TEC: variants seen among roughly 807,000 people sequenced by gnomAD.
TEC encodes the protein tyrosine-protein kinase Tec.
TEC carries 72 observed loss-of-function variants against 93.0 expected under a neutral mutation model. That is an observed-to-expected ratio of 0.77 (90% confidence interval 0.64 to 0.94). The LOEUF (loss-of-function observed/expected upper bound fraction) is 0.94, where lower values mean the gene tolerates loss of function less well. TEC is among the 40% of genes least tolerant of loss of function. The probability of loss-of-function intolerance (pLI) is 0.00; values close to 1 mark genes in which losing one functional copy is unlikely to be tolerated. For synonymous variants in TEC, 249 were observed against 247.7 expected (o/e 1.01, Z -0.05); for missense variants, 630 against 757.9 (o/e 0.83, Z 1.98).
intron 2 of TEC, among the ~76,000 whole-genome samples, chr4:48,209,795 A>G (rs1722836046): frequency 6.6e-6 from 1 of 152,252 alleles, no homozygotes; most frequent in South Asian, 2.1e-4. Context: ...AAATAAAATT[A>G]ACAGATTAAA....
intron 2 of TEC, among the ~76,000 whole-genome samples, chr4:48,195,750 A>G (rs2352593): frequency 0.25 from 38,782 of 152,186 alleles, 5,603 homozygotes; most frequent in Admixed American, 0.33. Flanking sequence ...TATCACAGCT[A>G]GGAGCCATAA....
chr4:48,233,927 A>T (rs2109647003), intron 1 of TEC, among the ~76,000 whole-genome samples: 1 of 152,300 alleles, frequency 6.6e-6, no homozygotes, highest in East Asian at 1.9e-4. Flanking sequence ...AAGAAAACAG[A>T]ATGAGAAAAC....
chr4:48,236,576 C>T (rs1243689477), intron 1 of TEC, among the ~76,000 whole-genome samples: 5 of 152,202 alleles, frequency 3.3e-5, no homozygotes, highest in East Asian at 1.9e-4. Flanking sequence ...GCCACCGCGC[C>T]GGGCCACAAA....
intron 2 of TEC, among the ~76,000 whole-genome samples, chr4:48,193,336 T>C (rs1225524139): frequency 6.6e-6 from 1 of 152,058 alleles, no homozygotes; most frequent in Non-Finnish European, 1.5e-5. Flanking sequence ...TTCTATCTTT[T>C]TTCTTTCTTC....
intron 8 of TEC, among the ~76,000 whole-genome samples, chr4:48,158,856 G>A (rs753322482): frequency 6.6e-6 from 1 of 152,142 alleles, no homozygotes; most frequent in African/African-American, 2.4e-5. Flanking sequence ...TGTTCTGAGG[G>A]ATCATTTTTA....
chr4:48,165,348 T>C (rs1720835691), intron 7 of TEC, among the ~76,000 whole-genome samples: 1 of 152,252 alleles, frequency 6.6e-6, no homozygotes. Context: ...TCATCTTTCC[T>C]TTCCTTCATG....
chr4:48,233,330 C>T (rs926402018), intron 1 of TEC, among the ~76,000 whole-genome samples: 1 of 149,004 alleles, frequency 6.7e-6, no homozygotes, highest in Non-Finnish European at 1.5e-5. Flanking sequence ...CATGAAGCTT[C>T]CAATTGACAC....
At chr4:48,258,828 G>A (rs1188684605) in intron 1 of TEC, among the ~76,000 whole-genome samples, 4 of 152,082 alleles carry the variant, frequency 2.6e-5, no homozygotes, top group Non-Finnish European at 4.4e-5. Flanking sequence ...TGTCTGACAT[G>A]GTTACCCTCT....
rs1484539226 is a variant in TEC at position 48,145,459 on chromosome 4, C to T, written c.1202G>A (p.Arg401Gln). 9.3e-6 allele frequency: 15 copies of T among 1,614,018 alleles called. No homozygotes were observed. Among genetic ancestry groups the T allele is most frequent in the Middle Eastern group, 1.6e-4 (1 of 6,084 alleles). ...AQYKVAIKAI[R>Q]EGAMCEEDFI... ...GTCCTCCTCGCACATTGCACCTTCC[C>T]GAATAGCTTTGATTGCGACTTTGTA... Residue 401 changes from arginine (R) to glutamine (Q), a missense_variant, in exon 13 of 18, where the codon CGG becomes CAG. By Grantham distance (43) the Arg-to-Gln change is conservative (BLOSUM62 1). Transcript: ENST00000381501.
At chr4:48,211,326 G>A (rs955449384) in intron 2 of TEC, among the ~76,000 whole-genome samples, 6 of 152,118 alleles carry the variant, frequency 3.9e-5, no homozygotes, top group African/African-American at 1.4e-4. Flanking sequence ...TTTTGGTCTT[G>A]TTTCCTGCAG....
At chr4:48,219,151 C>T (rs1202814086) in intron 2 of TEC, among the ~76,000 whole-genome samples, 1 of 152,078 alleles carries the variant, frequency 6.6e-6, no homozygotes, top group Admixed American at 6.5e-5. Context: ...CTAATATAAC[C>T]TAGGAATAAC....
At chr4:48,240,987 A>T (rs979065869) in intron 1 of TEC, among the ~76,000 whole-genome samples, 4 of 152,166 alleles carry the variant, frequency 2.6e-5, no homozygotes, top group African/African-American at 9.7e-5. Flanking sequence ...CACTAATTTG[A>T]TAGAAAACAT....
chr4:48,200,911 C>G (rs1722483221), intron 2 of TEC, among the ~76,000 whole-genome samples: 2 of 152,206 alleles, frequency 1.3e-5, no homozygotes, highest in African/African-American at 4.8e-5. Flanking sequence ...CTAGACAGCC[C>G]ACTTCCAGTT....
chr4:48,162,561 A>T (rs1450688738), intron 8 of TEC, among the ~76,000 whole-genome samples: 1 of 152,208 alleles, frequency 6.6e-6, no homozygotes, highest in Non-Finnish European at 1.5e-5. Flanking sequence ...TAAGGATTTT[A>T]TAATTTTTCC....
chr4:48,180,054 A>C (rs1288909990), intron 2 of TEC, among the ~76,000 whole-genome samples: 1 of 152,068 alleles, frequency 6.6e-6, no homozygotes, highest in Non-Finnish European at 1.5e-5. Flanking sequence ...GATATAAGAA[A>C]ATTTGGGATG....
rs1425049320 is a variant in TEC, at chr4:48,145,575, T to C, written c.1086A>G (p.Lys362=). The change falls in exon 13 of 18, where the codon AAA becomes AAG. Residue 362 remains lysine (K), a synonymous_variant. Coordinates refer to ENST00000381501, the MANE Select transcript of TEC (RefSeq NM_003215.3). Reference sequence around the variant, plus strand: ...TCAGTTCTGAAGGGTTAATCTCCCATTTCTCTGCAGGACAGAAAGTGAAAG... The same window carrying C: ...TCAGTTCTGAAGGGTTAATCTCCCACTTCTCTGCAGGACAGAAAGTGAAAG... ...APTTAGFSYE[K]WEINPSELTF... 1.2e-6 allele frequency: 2 copies of C among 1,614,028 alleles called. No homozygotes were observed. The highest frequency in any genetic ancestry group is 1.1e-5 in the South Asian group (1 of 91,072).
intron 17 of TEC, among the ~76,000 whole-genome samples, chr4:48,138,446 G>A (rs549341777): frequency 9.2e-5 from 14 of 152,338 alleles, no homozygotes; most frequent in African/African-American, 3.1e-4. Flanking sequence ...AAGTGAGGAA[G>A]CAGCCTGAAT....
intron 2 of TEC, among the ~76,000 whole-genome samples, chr4:48,196,203 C>G (rs1722297429): frequency 6.6e-6 from 1 of 152,148 alleles, no homozygotes; most frequent in African/African-American, 2.4e-5. Flanking sequence ...TGGGGAAGAT[C>G]CCTACTCAGT....
chr4:48,151,431 T>A (rs1282133894), intron 9 of TEC, among the ~76,000 whole-genome samples: 1 of 152,258 alleles, frequency 6.6e-6, no homozygotes, highest in Admixed American at 6.5e-5. Flanking sequence ...GTGCTTTTTA[T>A]AAGAATGAAT....
Sources: allele counts gnomAD v4.1 joint callset (sites outside exome capture counted in the v4.1 genomes callset), GRCh38; gene constraint gnomAD v4.1.1; transcripts MANE v1.5; gene names NCBI Gene and HGNC (gene_info 2026-07-23, HGNC 2026-07-21).